The following FLRT1 variants were observed in gnomAD, a reference collection of about 807,000 sequenced individuals.
FLRT1 encodes the protein leucine-rich repeat transmembrane protein FLRT1.
Under a neutral mutation model 30.9 loss-of-function variants are expected in FLRT1, and 14 were observed. The observed-to-expected ratio is 0.45, with a 90% CI of 0.30 to 0.71. The LOEUF (loss-of-function observed/expected upper bound fraction) is 0.71. Ranked by LOEUF, FLRT1 falls within the 30% of genes least tolerant of loss-of-function variation. The pLI is 0.08. For missense variants in FLRT1, 737 were observed against 949.2 expected, an observed-to-expected ratio of 0.78 and a Z score of 2.94; for synonymous variants, 368 against 430.4, an observed-to-expected ratio of 0.85 and a Z score of 1.80.
chr11:64,070,404 G>A (rs1158038865), intron 1 of FLRT1, among the ~76,000 whole-genome samples: 1 of 152,132 alleles, frequency 6.6e-6, no homozygotes, highest in Non-Finnish European at 1.5e-5. Flanking sequence ...AAATAGAGCC[G>A]GCCACGCCTC....
chr11:64,096,739 G>T lies in FLRT1; in HGVS notation c.-1037-6455G>T, dbSNP rs2005261. On this transcript the variant is annotated intron_variant, in intron 1 of 2. Transcript: ENST00000682287. The surrounding 1 kb of genome is among the most constrained non-coding windows in gnomAD (Gnocchi z 4.6). ...ACCCTCTCCCCCTTTTGTGCCTAGA[G>T]TTGCTCTGTGAAGGGGCAGGCTCTG... 0.26 allele frequency among the ~76,000 whole-genome samples: 39,630 copies of T among 152,114 alleles called. 5,701 individuals carry two copies. Among genetic ancestry groups the T allele is most frequent in the Admixed American group, 0.35 (5,330 of 15,274 alleles).
At chr11:64,102,963 T>C (rs1944696053) in intron 1 of FLRT1, among the ~76,000 whole-genome samples, 1 of 151,232 alleles carries the variant, frequency 6.6e-6, no homozygotes, top group Non-Finnish European at 1.5e-5. Flanking sequence ...CCTAGCTCCT[T>C]GGGAGGCTGA....
intron 1 of FLRT1, among the ~76,000 whole-genome samples, chr11:64,085,114 G>A (rs999389993): frequency 1.3e-5 from 2 of 152,252 alleles, no homozygotes; most frequent in Non-Finnish European, 2.9e-5. Context: ...AGCCCATGCA[G>A]TGGGGCACCA....
chr11:64,069,431 G>T (rs1012525753), intron 1 of FLRT1, among the ~76,000 whole-genome samples: 1 of 152,222 alleles, frequency 6.6e-6, no homozygotes, highest in Non-Finnish European at 1.5e-5. Flanking sequence ...GACCCTGGGG[G>T]TCTTGGAGCC....
rs777319814 is a variant in FLRT1, at chr11:64,118,268, C to A, written c.2001C>A (p.Pro667=). 17 of 1,589,968 alleles carry A rather than the reference C, an allele frequency of 1.1e-5. No individual in the cohort carries two copies. In the East Asian group the frequency reaches 3.8e-4, roughly 36 times the overall value. The part of the protein sequence containing the change: ...TTRGYRDGGI[P]DIDYSYT The stretch of plus-strand genomic sequence containing the variant: ...GGGGCTACCGGGACGGCGGCATCCC[C>A]GACATAGACTACTCCTACACATGAT... The change falls in exon 3 of 3, where the codon CCC becomes CCA. Residue 667 remains proline, a synonymous_variant. Transcript: ENST00000682287.
Position 64,090,793 on chromosome 11 carries a change from G to A in FLRT1, c.-1037-12401G>A, listed in dbSNP as rs1249328420. ...GCGGCGTCTCTCCACCAGGCACTTGGGGTTTGTCTCTGGGGCTCTGCAGAA... is the reference window on the plus strand; with the variant it reads ...GCGGCGTCTCTCCACCAGGCACTTGAGGTTTGTCTCTGGGGCTCTGCAGAA... On this transcript the variant is annotated intron_variant, in intron 1 of 2. Coordinates refer to ENST00000682287, the MANE Select transcript of FLRT1 (RefSeq NM_013280.5). The surrounding 1 kb of genome is among the most constrained non-coding windows in gnomAD (Gnocchi z 4.7). 1.3e-5 allele frequency among the ~76,000 whole-genome samples: 2 copies of A among 152,096 alleles called. No homozygotes were observed. Among genetic ancestry groups the A allele is most frequent in the Non-Finnish European group, 2.9e-5 (2 of 68,020 alleles).
chr11:64,041,199 T>TA (rs71045724), intron 1 of FLRT1, among the ~76,000 whole-genome samples: 5,121 of 21,622 alleles, frequency 0.24, 1,869 homozygotes, highest in Non-Finnish European at 0.35. Context: ...TAGCAAACTG[T>TA]AAAAAAAAAA....
Position 64,090,714 on chromosome 11 carries a change from C to A in FLRT1, c.-1037-12480C>A, listed in dbSNP as rs1436809899. 2.6e-5 allele frequency among the ~76,000 whole-genome samples: 4 copies of A among 151,986 alleles called. No individual in the cohort carries two copies. The highest frequency in any genetic ancestry group is 9.7e-5 in the African/African-American group (4 of 41,368). ...GGACGTCCCAAGACTAAAATGGGGG[C>A]AGGGGTGGCAGCGTCTCTCCACCAC... On this transcript the variant is annotated intron_variant, in intron 1 of 2. Coordinates refer to ENST00000682287, the MANE Select transcript of FLRT1 (RefSeq NM_013280.5). This position sits in a 1 kb window ranked among gnomAD's most constrained non-coding sequence, Gnocchi z 4.7.
intron 1 of FLRT1, chr11:64,081,963 T>G (rs1252076400): frequency 6.6e-6 from 1 of 152,196 alleles, no homozygotes; most frequent in Non-Finnish European, 1.5e-5. Flanking sequence ...GTGTTCTAAA[T>G]GGACATGCCA....
rs528124602 is a variant in FLRT1 at position 64,099,034 on chromosome 11, C to A, written c.-1037-4160C>A. ...GCTGAGGGCCTGAGGATCGTTTCTA[C>A]TTCGGGAGGAAGCCCTGAGTGCCAA... On this transcript the variant is annotated intron_variant, in intron 1 of 2. Transcript: ENST00000682287. Among the ~76,000 whole-genome samples the A allele has an allele frequency of 3.3e-5, 5 of 152,350 alleles. No homozygotes were observed. In the South Asian group the frequency reaches 1.0e-3, roughly 32 times the overall value.
intron 1 of FLRT1, among the ~76,000 whole-genome samples, chr11:64,089,809 C>G (rs773323425): frequency 3.3e-5 from 5 of 152,102 alleles, no homozygotes; most frequent in Non-Finnish European, 7.4e-5. Context: ...ATGCCAGTCT[C>G]TGTGCCCACT....
At chr11:64,105,219 T>G (rs1944739001) in intron 2 of FLRT1, among the ~76,000 whole-genome samples, 1 of 152,222 alleles carries the variant, frequency 6.6e-6, no homozygotes, top group Non-Finnish European at 1.5e-5. Context: ...GGAGCTGGGC[T>G]GGCTGCTTCT....
intron 2 of FLRT1, among the ~76,000 whole-genome samples, chr11:64,115,609 C>T (rs117281242): frequency 4.5e-4 from 69 of 152,342 alleles, no homozygotes; most frequent in Admixed American, 5.9e-4. Flanking sequence ...AAGCTCCCTG[C>T]TCTCCACTCC....
intron 1 of FLRT1, among the ~76,000 whole-genome samples, chr11:64,041,199 T>TAAAAAAAAAAAAAAAAAAAAAAAAA (rs71045724): frequency 4.6e-5 from 1 of 21,600 alleles, no homozygotes; most frequent in African/African-American, 1.6e-4. Flanking sequence ...TAGCAAACTG[T>TAAAAAAAAAAAAAAAAAAAAAAAAA]AAAAAAAAAA....
chr11:64,066,077 A>G (rs1479956143), intron 1 of FLRT1, among the ~76,000 whole-genome samples: 1 of 151,910 alleles, frequency 6.6e-6, no homozygotes, highest in African/African-American at 2.4e-5. Flanking sequence ...TGGGCGGATC[A>G]CCTGAGGTCA....
chr11:64,107,170 C>A (rs553105052), intron 2 of FLRT1, among the ~76,000 whole-genome samples: 1 of 152,222 alleles, frequency 6.6e-6, no homozygotes, highest in Non-Finnish European at 1.5e-5. Flanking sequence ...AATGAGCCAA[C>A]TTGCCCAGCC....
chr11:64,116,508 G>A lies in FLRT1; in HGVS notation c.241G>A (p.Asp81Asn). ...CACATCCATCCCCGCAGATATCCCT[G>A]ATGATGCCACCACCCTCTACCTGCA... ...GLTSIPADIP[D>N]DATTLYLQNN... is the part of the protein sequence containing the mutation. Residue 81 changes from aspartate (D) to asparagine (N), a missense_variant, in exon 3 of 3, where the codon GAT becomes AAT. Transcript: ENST00000682287. 1 of 1,613,934 alleles carries A rather than the reference G, an allele frequency of 6.2e-7. No individual in the cohort carries two copies. Among genetic ancestry groups the A allele is most frequent in the Non-Finnish European group, 8.5e-7 (1 of 1,179,966 alleles).
Position 64,085,240 on chromosome 11 carries a change from G to A in FLRT1, c.-1037-17954G>A, listed in dbSNP as rs1421302695. 2.0e-5 allele frequency among the ~76,000 whole-genome samples: 3 copies of A among 152,204 alleles called. No individual in the cohort carries two copies. The South Asian group carries it at 6.2e-4, about 31-fold the overall frequency. ...AAGGCTTAGCGGGGCTCCTTGGAGA[G>A]CAGCGCTGTCCCTGGGCACCACGGA... On this transcript the variant is annotated intron_variant, in intron 1 of 2. Coordinates refer to ENST00000682287, the MANE Select transcript of FLRT1 (RefSeq NM_013280.5).
chr11:64,072,967 C>T (rs766199726), intron 1 of FLRT1, among the ~76,000 whole-genome samples: 25 of 152,212 alleles, frequency 1.6e-4, no homozygotes, highest in Non-Finnish European at 2.9e-4. Flanking sequence ...GTTCTAACTG[C>T]CCTGTCTTCT....
Sources: gnomAD v4.1 joint callset for allele counts (sites outside exome capture counted in the v4.1 genomes callset) on GRCh38, gnomAD v4.1.1 for gene constraint, Gnocchi (gnomAD v3.1) non-coding constraint, MANE v1.5 for transcripts, NCBI Gene and HGNC (gene_info 2026-07-23, HGNC 2026-07-21) for gene names.